The following TRPC5 variants were observed in gnomAD, a reference collection of about 807,000 sequenced individuals.
TRPC5 encodes short transient receptor potential channel 5.
Under a neutral mutation model 56.5 loss-of-function variants are expected in TRPC5, and 9 were observed. That is an observed-to-expected ratio of 0.16 (90% CI 0.10 to 0.28). The LOEUF (loss-of-function observed/expected upper bound fraction) is 0.28. Among genes scored for constraint, TRPC5 ranks in the 10% least tolerant of loss-of-function variants. The probability of loss-of-function intolerance (pLI) is 1.00; values close to 1 mark genes in which losing one functional copy is unlikely to be tolerated. For synonymous variants in TRPC5, 282 were observed against 278.5 expected, an observed-to-expected ratio of 1.01 and a Z score of -0.13; for missense variants, 469 against 748.9, an observed-to-expected ratio of 0.63 and a Z score of 4.36.
At chrX:111,971,561 T>A (rs1927785795) in intron 1 of TRPC5, among the ~76,000 whole-genome samples, 1 of 111,673 alleles carries the variant, frequency 9.0e-6, no homozygotes, top group African/African-American at 3.3e-5. Context: ...ACAGTCATAC[T>A]GCTCAAAGGC....
chrX:111,893,118 T>A (rs1441215303), intron 3 of TRPC5, among the ~76,000 whole-genome samples: 4 of 106,821 alleles, frequency 3.7e-5, no homozygotes, highest in Non-Finnish European at 7.7e-5. Flanking sequence ...CCTATTCTTA[T>A]AACCACTAGT....
chrX:112,007,741 A>G (rs1178969490), intron 1 of TRPC5, among the ~76,000 whole-genome samples: 3 of 111,712 alleles, frequency 2.7e-5, no homozygotes, highest in Non-Finnish European at 5.6e-5. Flanking sequence ...AAATGGCTCC[A>G]AAGCAGATGC....
At chrX:111,868,325 G>A (rs1923609622) in intron 3 of TRPC5, among the ~76,000 whole-genome samples, 1 of 112,366 alleles carries the variant, frequency 8.9e-6, no homozygotes, top group African/African-American at 3.2e-5. Context: ...ATGGTCAGAG[G>A]AGAAATATCT....
intron 6 of TRPC5, among the ~76,000 whole-genome samples, chrX:111,838,747 A>G (rs1254055183): frequency 2.7e-5 from 3 of 111,743 alleles, no homozygotes; most frequent in African/African-American, 9.8e-5. Flanking sequence ...GAGAACTTGC[A>G]CATGTTGGGA....
At chrX:112,009,768 T>A (rs754901500) in intron 1 of TRPC5, among the ~76,000 whole-genome samples, 48 of 111,144 alleles carry the variant, frequency 4.3e-4, no homozygotes, top group Non-Finnish European at 6.8e-4. Flanking sequence ...ACACTGCATG[T>A]TCTCACTCAT....
At chrX:112,078,153 C>G (rs893772003) in intron 1 of TRPC5, among the ~76,000 whole-genome samples, 1 of 111,873 alleles carries the variant, frequency 8.9e-6, no homozygotes, top group African/African-American at 3.3e-5. Context: ...TGCCTTCCAT[C>G]TGAATACGCT....
intron 1 of TRPC5, among the ~76,000 whole-genome samples, chrX:112,070,928 C>T (rs1028569701): frequency 8.9e-6 from 1 of 111,826 alleles, no homozygotes; most frequent in Non-Finnish European, 1.9e-5. Flanking sequence ...TCTAACTATG[C>T]ACCAGGCACT....
chrX:111,859,092 C>A (rs1234286092), intron 3 of TRPC5, among the ~76,000 whole-genome samples: 2 of 111,397 alleles, frequency 1.8e-5, no homozygotes, highest in African/African-American at 6.5e-5. Flanking sequence ...TAGTTGTCTG[C>A]GAAATGGCCA....
At chrX:111,785,496 C>T (rs917072785) in intron 7 of TRPC5, among the ~76,000 whole-genome samples, 21 of 107,112 alleles carry the variant, frequency 2.0e-4, no homozygotes, top group African/African-American at 1.1e-4. Context: ...AAAATCAGAG[C>T]GCCTCTTCTC....
chrX:111,991,663 T>C (rs1390699490), intron 1 of TRPC5, among the ~76,000 whole-genome samples: 1 of 112,341 alleles, frequency 8.9e-6, no homozygotes, highest in Non-Finnish European at 1.9e-5. Flanking sequence ...TCTAAAAACC[T>C]GGCAGCAATC....
At chrX:111,820,845 G>A (rs1435039117) in intron 7 of TRPC5, among the ~76,000 whole-genome samples, 1 of 112,354 alleles carries the variant, frequency 8.9e-6, no homozygotes, top group Non-Finnish European at 1.9e-5. Flanking sequence ...GCCAGAAAGT[G>A]TATCCTGGTT....
At chrX:111,995,498 AC>A (rs1442201638) in intron 1 of TRPC5, among the ~76,000 whole-genome samples, 1 of 110,619 alleles carries the variant, frequency 9.0e-6, no homozygotes, top group Non-Finnish European at 1.9e-5. Context: ...TAGGGAGGAT[AC>A]CCTCTTTTTC....
At chrX:112,050,789 G>A (rs1309598708) in intron 1 of TRPC5, among the ~76,000 whole-genome samples, 1 of 111,986 alleles carries the variant, frequency 8.9e-6, no homozygotes, top group Admixed American at 9.4e-5. Context: ...ACTTTGTTGG[G>A]TAGAAAGGAG....
intron 1 of TRPC5, among the ~76,000 whole-genome samples, chrX:111,980,031 T>C (rs879054008): frequency 5.4e-5 from 6 of 111,939 alleles, no homozygotes; most frequent in Admixed American, 1.9e-4. Flanking sequence ...TGAATTTTCA[T>C]AGTGGCTTTA....
chrX:111,981,979 TAGTA>T (rs1218258398), intron 1 of TRPC5, among the ~76,000 whole-genome samples: 1 of 111,441 alleles, frequency 9.0e-6, no homozygotes, highest in Non-Finnish European at 1.9e-5. Context: ...GTTCTCATGA[TAGTA>T]AGTGAGTTAT....
intron 1 of TRPC5, among the ~76,000 whole-genome samples, chrX:112,059,784 G>A (rs1930421991): frequency 8.9e-6 from 1 of 111,740 alleles, no homozygotes; most frequent in Non-Finnish European, 1.9e-5. Context: ...GAGCAGTTAG[G>A]GACCAATGTT....
intron 1 of TRPC5, among the ~76,000 whole-genome samples, chrX:111,992,776 T>C (rs1316219978): frequency 1.8e-5 from 2 of 109,406 alleles, no homozygotes; most frequent in Non-Finnish European, 3.8e-5. Context: ...CTGATTTTTG[T>C]ATTTTTAGTA....
intron 3 of TRPC5, among the ~76,000 whole-genome samples, chrX:111,906,654 C>T (rs143345717): frequency 2.1e-5 from 2 of 96,491 alleles, no homozygotes; most frequent in Non-Finnish European, 4.3e-5. Flanking sequence ...GACATGTTGT[C>T]TATTTGAAAC....
chrX:111,889,291 G>A, intron 3 of TRPC5, among the ~76,000 whole-genome samples: 1 of 111,461 alleles, frequency 9.0e-6, no homozygotes, highest in Non-Finnish European at 1.9e-5. Context: ...CTTTAGCAAG[G>A]GTAGTAAGGT....
Sources: allele counts gnomAD v4.1 joint callset (sites outside exome capture counted in the v4.1 genomes callset), GRCh38; gene constraint gnomAD v4.1.1; transcripts MANE v1.5; gene names NCBI Gene and HGNC (gene_info 2026-07-23, HGNC 2026-07-21).